Variants in RSRC1 observed in about 807,000 individuals in gnomAD.
RSRC1 encodes arginine and serine rich coiled-coil 1, also known as serine/Arginine-related protein 53.
In RSRC1, 39 loss-of-function variants were observed where a neutral mutation model predicts 49.1. That is an observed-to-expected ratio of 0.79 (90% confidence interval 0.61 to 1.04). The LOEUF is 1.04. Ranked by LOEUF, RSRC1 falls within the 50% of genes least tolerant of loss-of-function variation. The pLI is 0.00. For synonymous variants in RSRC1, 143 were observed against 130.8 expected, an observed-to-expected ratio of 1.09 and a Z score of -0.63; for missense variants, 388 against 402.4, an observed-to-expected ratio of 0.96 and a Z score of 0.31.
chr3:158,123,939 C>T lies in RSRC1; in HGVS notation c.268C>T (p.Arg90Ter), dbSNP rs1183090232. Residue 90 changes from arginine to a stop codon, truncating the protein, a stop_gained, in exon 3 of 10, where the codon CGA becomes TGA. Coordinates refer to ENST00000611884, the MANE Select transcript of RSRC1 (RefSeq NM_001271838.2). LOFTEE classifies it high-confidence loss of function. ...RKRSRSRSRG[R>*]GKSYRVQRSR... is the part of the protein sequence containing the mutation. ...ACGAAGTCGAAGTCGTTCAAGGGGT[C>T]GAGGGAAATCCTATAGAGTTCAGAG... 1.2e-6 allele frequency: 2 copies of T among 1,612,602 alleles called. No homozygotes were observed. Among genetic ancestry groups the T allele is most frequent in the Non-Finnish European group, 1.7e-6 (2 of 1,179,138 alleles).
chr3:158,350,815 G>A (rs1451387220), intron 5 of RSRC1, among the ~76,000 whole-genome samples: 6 of 151,912 alleles, frequency 3.9e-5, no homozygotes, highest in Admixed American at 6.6e-5. Context: ...TACCATTTAC[G>A]AATTTTAGAT....
At chr3:158,188,757 G>A (rs929754833) in intron 3 of RSRC1, among the ~76,000 whole-genome samples, 10 of 151,832 alleles carry the variant, frequency 6.6e-5, no homozygotes, top group African/African-American at 2.4e-4. Flanking sequence ...TCCATGAAGA[G>A]TTTATCAACC....
At chr3:158,281,490 G>T (rs1054395525) in intron 4 of RSRC1, among the ~76,000 whole-genome samples, 4 of 152,158 alleles carry the variant, frequency 2.6e-5, no homozygotes, top group African/African-American at 9.7e-5. Flanking sequence ...TATAGCACAA[G>T]ACTAGGGCCC....
intron 4 of RSRC1, among the ~76,000 whole-genome samples, chr3:158,275,017 A>G (rs1232750493): frequency 6.6e-6 from 1 of 152,132 alleles, no homozygotes; most frequent in Admixed American, 6.5e-5. Context: ...AATTAGTGTT[A>G]TTGTTACATA....
At chr3:158,497,744 A>G (rs1223711373) in intron 7 of RSRC1, among the ~76,000 whole-genome samples, 1 of 151,928 alleles carries the variant, frequency 6.6e-6, no homozygotes, top group Non-Finnish European at 1.5e-5. Flanking sequence ...CCATTGTATC[A>G]TTCTTACGTC....
intron 5 of RSRC1, among the ~76,000 whole-genome samples, chr3:158,338,861 C>T: frequency 6.6e-6 from 1 of 152,136 alleles, no homozygotes; most frequent in Non-Finnish European, 1.5e-5. Context: ...GTAACTTATT[C>T]TTCTCTAAAA....
chr3:158,114,993 T>A (rs1051429414), intron 1 of RSRC1, among the ~76,000 whole-genome samples: 1 of 152,206 alleles, frequency 6.6e-6, no homozygotes, highest in Non-Finnish European at 1.5e-5. Context: ...TTTGTTTTTT[T>A]TCTCTTGCCT....
At chr3:158,449,894 G>T (rs1736925516) in intron 6 of RSRC1, among the ~76,000 whole-genome samples, 1 of 151,840 alleles carries the variant, frequency 6.6e-6, no homozygotes, top group South Asian at 2.1e-4. Context: ...CATACCTCCT[G>T]GTTTCCTACT....
intron 5 of RSRC1, among the ~76,000 whole-genome samples, chr3:158,338,706 G>T (rs528806195): frequency 3.3e-5 from 5 of 152,308 alleles, no homozygotes; most frequent in African/African-American, 1.2e-4. Context: ...AATTAAAAAT[G>T]ATTAGATTTA....
intron 5 of RSRC1, among the ~76,000 whole-genome samples, chr3:158,321,913 G>A (rs1189362814): frequency 6.6e-6 from 1 of 151,224 alleles, no homozygotes. Context: ...TGCAATATTA[G>A]TTTTTGCTTT....
At chr3:158,189,086 T>C (rs1720081375) in intron 3 of RSRC1, among the ~76,000 whole-genome samples, 1 of 151,918 alleles carries the variant, frequency 6.6e-6, no homozygotes, top group Admixed American at 6.6e-5. Context: ...ATGGGATATA[T>C]AAACATATAT....
chr3:158,127,490 C>G (rs527347527), intron 3 of RSRC1, among the ~76,000 whole-genome samples: 66 of 151,794 alleles, frequency 4.3e-4, no homozygotes, highest in Middle Eastern at 6.8e-3. Context: ...TTCAATTCAG[C>G]TATTGTATTC....
chr3:158,196,282 C>T (rs1054845588), intron 3 of RSRC1, among the ~76,000 whole-genome samples: 1 of 151,922 alleles, frequency 6.6e-6, no homozygotes, highest in African/African-American at 2.4e-5. Context: ...GGAGTTCACT[C>T]ATGATTTGGC....
chr3:158,277,545 A>G (rs899592652), intron 4 of RSRC1, among the ~76,000 whole-genome samples: 11 of 152,230 alleles, frequency 7.2e-5, no homozygotes, highest in African/African-American at 2.7e-4. Flanking sequence ...CATTAAAGGC[A>G]GAAAAATACT....
At chr3:158,451,606 T>C (rs1737037419) in intron 6 of RSRC1, among the ~76,000 whole-genome samples, 1 of 152,148 alleles carries the variant, frequency 6.6e-6, no homozygotes, top group Non-Finnish European at 1.5e-5. Context: ...AAATCCTAAA[T>C]GTAAATATCC....
intron 4 of RSRC1, among the ~76,000 whole-genome samples, chr3:158,207,627 G>T (rs1330161391): frequency 3.5e-5 from 2 of 57,804 alleles, no homozygotes; most frequent in East Asian, 1.6e-3. Context: ...ATGTGCAAAA[G>T]TAACAGTATT....
chr3:158,124,101 G>C (rs1259896857), intron 3 of RSRC1, 110 bp downstream of exon 3: 2 of 783,818 alleles, frequency 2.6e-6, no homozygotes, highest in Non-Finnish European at 3.6e-6. Context: ...ATTGAGCTTA[G>C]CTGGCACTTA....
intron 7 of RSRC1, among the ~76,000 whole-genome samples, chr3:158,521,660 T>C (rs915259656): frequency 1.3e-5 from 2 of 150,130 alleles, no homozygotes; most frequent in African/African-American, 4.9e-5. Flanking sequence ...CACAGTCACT[T>C]ACTTCACTTG....
chr3:158,321,974 T>TACACACACACACACACACACAC (rs71144456), intron 5 of RSRC1, among the ~76,000 whole-genome samples: 2 of 148,508 alleles, frequency 1.3e-5, no homozygotes, highest in African/African-American at 4.9e-5. Context: ...TTTTAACACC[T>TACACACACACACACACACACAC]ACACACACAC....
Sources: gnomAD v4.1 joint callset for allele counts (sites outside exome capture counted in the v4.1 genomes callset) on GRCh38, gnomAD v4.1.1 for gene constraint, MANE v1.5 for transcripts, NCBI Gene and HGNC (gene_info 2026-07-23, HGNC 2026-07-21) for gene names.